AKAP6: variants seen among roughly 807,000 people sequenced by gnomAD.
AKAP6 encodes A-kinase anchoring protein 6, also known as A-kinase anchor protein 6.
AKAP6 carries 58 observed loss-of-function variants against 188.5 expected under a neutral mutation model. The observed-to-expected ratio is 0.31, with a 90% CI of 0.25 to 0.38. The LOEUF is 0.38. AKAP6 is among the 10% of genes least tolerant of loss of function. The pLI, the probability that AKAP6 is intolerant of heterozygous loss-of-function variation, is 1.00. For synonymous variants in AKAP6, 989 were observed against 998.6 expected (o/e 0.99, Z 0.18); for missense variants, 2,710 against 2,740.0 (o/e 0.99, Z 0.24).
intron 5 of AKAP6, among the ~76,000 whole-genome samples, chr14:32,597,719 C>A (rs1885763177): frequency 6.6e-6 from 1 of 152,102 alleles, no homozygotes; most frequent in South Asian, 2.1e-4. Context: ...GCTGCTGAAA[C>A]TTTATTGTAT....
chr14:32,719,769 T>C (rs1204209760), intron 9 of AKAP6, among the ~76,000 whole-genome samples: 1 of 152,180 alleles, frequency 6.6e-6, no homozygotes, highest in African/African-American at 2.4e-5. Context: ...TCTTGAAATC[T>C]GAATAAAAGC....
Position 32,602,533 on chromosome 14 carries a change from G to A in AKAP6, c.2730+1741G>A, listed in dbSNP as rs115238070. 1.9e-3 allele frequency among the ~76,000 whole-genome samples: 286 copies of A among 152,174 alleles called. 2 individuals are homozygous for A. The highest frequency in any genetic ancestry group is 6.5e-3 in the African/African-American group (270 of 41,524). The stretch of plus-strand genomic sequence containing the variant: ...AAAAATCTTAATTTTAGCTGGGTAT[G>A]GTGACATGCGCCTATAATCTGAGCT... On this transcript the variant is annotated intron_variant, in intron 7 of 13. Transcript: ENST00000280979.
At chr14:32,636,347 T>C (rs755164585) in intron 7 of AKAP6, among the ~76,000 whole-genome samples, 2 of 152,172 alleles carry the variant, frequency 1.3e-5, no homozygotes, top group Non-Finnish European at 2.9e-5. Context: ...AAAATTACTT[T>C]TTAAATTTCC....
chr14:32,628,978 C>T (rs570382927), intron 7 of AKAP6, among the ~76,000 whole-genome samples: 26 of 151,976 alleles, frequency 1.7e-4, no homozygotes, highest in Non-Finnish European at 3.2e-4. Context: ...AAATAACCAC[C>T]CACCTGCAGT....
chr14:32,685,917 T>G (rs888904613), intron 8 of AKAP6, among the ~76,000 whole-genome samples: 1 of 152,048 alleles, frequency 6.6e-6, no homozygotes, highest in Non-Finnish European at 1.5e-5. Context: ...TACCATACAA[T>G]CCAGCAATCC....
intron 1 of AKAP6, among the ~76,000 whole-genome samples, chr14:32,341,734 G>C (rs1193063459): frequency 1.7e-4 from 26 of 152,170 alleles, no homozygotes; most frequent in Admixed American, 1.7e-3. Flanking sequence ...TGTCTAAAAT[G>C]ACTCTCAGGC....
At chr14:32,656,451 T>A (rs1451100880) in intron 7 of AKAP6, among the ~76,000 whole-genome samples, 1 of 152,086 alleles carries the variant, frequency 6.6e-6, no homozygotes, top group Non-Finnish European at 1.5e-5. Context: ...TTCTCCAGAT[T>A]TACTCTGAAT....
intron 4 of AKAP6, among the ~76,000 whole-genome samples, chr14:32,548,687 G>A (rs370682296): frequency 6.6e-6 from 1 of 152,130 alleles, no homozygotes; most frequent in East Asian, 1.9e-4. Context: ...AAACCAGACA[G>A]ACCTTTTGTG....
intron 4 of AKAP6, among the ~76,000 whole-genome samples, chr14:32,572,746 G>A (rs1471687009): frequency 6.6e-6 from 1 of 152,196 alleles, no homozygotes. Flanking sequence ...ACATTTGCAT[G>A]TACTTTCACG....
Position 32,821,824 on chromosome 14 carries a change from A to G in AKAP6, c.4011A>G (p.Pro1337=). The G allele has an allele frequency of 6.2e-7, 1 of 1,613,832 alleles. No individual in the cohort carries two copies. Among genetic ancestry groups the G allele is most frequent in the Non-Finnish European group, 8.5e-7 (1 of 1,179,906 alleles). ...CATTTTCATCTACCAAATCTTTGCC[A>G]GATCTTCTAGGTGGTTCCAATTTGG... ...DSSFSSTKSL[P]DLLGGSNLVK... The change falls in exon 13 of 14, where the codon CCA becomes CCG. Residue 1337 remains proline (P), a synonymous_variant. Transcript: ENST00000280979.
intron 2 of AKAP6, among the ~76,000 whole-genome samples, chr14:32,518,387 A>G (rs1241658321): frequency 6.6e-6 from 1 of 152,212 alleles, no homozygotes; most frequent in Non-Finnish European, 1.5e-5. Context: ...CGGTAATAAC[A>G]GACTTCTCTG....
At position 32,433,635 on chromosome 14, in the gene AKAP6, T is replaced by C. The variant is rs1320940292; in HGVS notation, c.142T>C (p.Ser48Pro). ...AGAAGAGGCAATGAAGGACATGGAC[T>C]CTGACCAGCAGTATGAAAAGCCACC... ...EGEEAMKDMD[S>P]DQQYEKPPPL... Residue 48 changes from serine to proline, a missense_variant, in exon 2 of 14, where the codon TCT becomes CCT. By Grantham distance (74) the Ser-to-Pro change is moderately conservative. Transcript: ENST00000280979. 1.2e-6 allele frequency: 2 copies of C among 1,614,044 alleles called. No individual in the cohort carries two copies. Among genetic ancestry groups the C allele is most frequent in the African/African-American group, 1.3e-5 (1 of 74,900 alleles).
rs537267252 is a variant in AKAP6 at position 32,830,637 on chromosome 14, T to G, written c.*832T>G. 1 of 152,776 alleles carries G rather than the reference T, an allele frequency of 6.5e-6. No homozygotes were observed. Among genetic ancestry groups the G allele is most frequent in the East Asian group, 1.9e-4 (1 of 5,184 alleles). 9.5% of individuals were successfully genotyped at this position (152,776 alleles called of 1,614,324 possible). A position where few individuals can be genotyped will look rare whatever the true frequency, so the allele number is the denominator to read the frequency against. On this transcript the variant is annotated 3_prime_UTR_variant, in exon 14 of 14. Coordinates refer to ENST00000280979, the MANE Select transcript of AKAP6 (RefSeq NM_004274.5). The stretch of plus-strand genomic sequence containing the variant: ...AAAGGAGGAAATAGCAAGGTTAAGA[T>G]GTGTGAATAATTTCTGTATATATGT...
intron 1 of AKAP6, among the ~76,000 whole-genome samples, chr14:32,347,793 A>G (rs1393161602): frequency 6.6e-6 from 1 of 152,204 alleles, no homozygotes; most frequent in Non-Finnish European, 1.5e-5. Flanking sequence ...CTAAAGTTTA[A>G]TTAATAGTAA....
At chr14:32,695,637 ACT>A (rs1890372886) in intron 8 of AKAP6, among the ~76,000 whole-genome samples, 1 of 152,028 alleles carries the variant, frequency 6.6e-6, no homozygotes, top group African/African-American at 2.4e-5. Flanking sequence ...CAAGTCACTG[ACT>A]CTCTATTTCT....
chr14:32,339,255 G>T (rs377350535), intron 1 of AKAP6, among the ~76,000 whole-genome samples: 1 of 152,104 alleles, frequency 6.6e-6, no homozygotes, highest in Non-Finnish European at 1.5e-5. Context: ...CCCTGTGAGA[G>T]GAGGCCACAT....
At chr14:32,724,905 G>T (rs925163989) in intron 9 of AKAP6, among the ~76,000 whole-genome samples, 2 of 139,978 alleles carry the variant, frequency 1.4e-5, no homozygotes, top group Non-Finnish European at 3.0e-5. Flanking sequence ...GATCCGTGGG[G>T]CTTGTTCAGC....
intron 7 of AKAP6, among the ~76,000 whole-genome samples, chr14:32,646,462 G>A (rs1320077036): frequency 2.6e-5 from 4 of 151,990 alleles, no homozygotes; most frequent in Non-Finnish European, 2.9e-5. Context: ...GAAGCTGCAC[G>A]CAAGATCTAC....
rs1423555149 is a variant in AKAP6, at chr14:32,609,875, T to A, written c.2730+9083T>A. 5.3e-3 allele frequency among the ~76,000 whole-genome samples: 621 copies of A among 117,850 alleles called. 5 individuals carry two copies. The highest frequency in any genetic ancestry group is 0.025 in the African/African-American group (576 of 23,088). The allele number at this position is 117,850 out of a possible 152,430, so 77.3% of individuals were successfully genotyped here. A position where few individuals can be genotyped will look rare whatever the true frequency, so the allele number is the denominator to read the frequency against. On this transcript the variant is annotated intron_variant, in intron 7 of 13. Transcript: ENST00000280979. ...CATGAGGTCTCTCTCTCTCTCTCTC[T>A]CTCTGACACACACACACACACACAC...
Sources: gnomAD v4.1 joint callset for allele counts (sites outside exome capture counted in the v4.1 genomes callset) on GRCh38, gnomAD v4.1.1 for gene constraint, MANE v1.5 for transcripts, NCBI Gene and HGNC (gene_info 2026-07-23, HGNC 2026-07-21) for gene names.